Variants in ATF7IP observed in about 807,000 individuals in gnomAD.
ATF7IP encodes the protein activating transcription factor 7-interacting protein 1.
Under a neutral mutation model 106.4 loss-of-function variants are expected in ATF7IP, and 23 were observed. The observed-to-expected ratio is 0.22, with a 90% CI of 0.16 to 0.31. ATF7IP has a LOEUF of 0.31. ATF7IP is among the 10% of genes least tolerant of loss of function. The pLI, the probability that ATF7IP is intolerant of heterozygous loss-of-function variation, is 1.00. For missense variants in ATF7IP, 1,334 were observed against 1,524.3 expected, an observed-to-expected ratio of 0.88 and a Z score of 2.08; for synonymous variants, 542 against 539.0, an observed-to-expected ratio of 1.01 and a Z score of -0.08.
At chr12:14,392,131 T>G (rs1939588754) in intron 1 of ATF7IP, among the ~76,000 whole-genome samples, 1 of 152,254 alleles carries the variant, frequency 6.6e-6, no homozygotes, top group Non-Finnish European at 1.5e-5. Context: ...ATATTGGGGT[T>G]TAAATGAGGA....
At chr12:14,366,843 CTG>C (rs1162961925) in intron 1 of ATF7IP, among the ~76,000 whole-genome samples, 2 of 151,812 alleles carry the variant, frequency 1.3e-5, no homozygotes, top group Non-Finnish European at 2.9e-5. Flanking sequence ...TAAAAAAAAT[CTG>C]TTTTTTTCTT....
chr12:14,379,991 G>C (rs1424967475), intron 1 of ATF7IP, among the ~76,000 whole-genome samples: 1 of 151,368 alleles, frequency 6.6e-6, no homozygotes, highest in Non-Finnish European at 1.5e-5. Context: ...TGATGTATTT[G>C]TGTGTGTGTG....
chr12:14,427,587 A>G (rs1282352564), intron 2 of ATF7IP, among the ~76,000 whole-genome samples: 1 of 152,032 alleles, frequency 6.6e-6, no homozygotes, highest in Non-Finnish European at 1.5e-5. Flanking sequence ...GCTGGTCTCA[A>G]ACTCCTGACC....
At chr12:14,452,731 A>G (rs1173800200) in intron 6 of ATF7IP, among the ~76,000 whole-genome samples, 2 of 152,180 alleles carry the variant, frequency 1.3e-5, no homozygotes, top group African/African-American at 4.8e-5. Context: ...ACCAGAATTA[A>G]AAGTGGTTTA....
At chr12:14,476,825 A>C (rs1166988757) in intron 11 of ATF7IP, among the ~76,000 whole-genome samples, 2 of 152,226 alleles carry the variant, frequency 1.3e-5, no homozygotes, top group African/African-American at 4.8e-5. Flanking sequence ...CAAAATAATA[A>C]TGTTCTGAGT....
At chr12:14,378,000 A>G (rs1938825293) in intron 1 of ATF7IP, among the ~76,000 whole-genome samples, 1 of 152,174 alleles carries the variant, frequency 6.6e-6, no homozygotes, top group South Asian at 2.1e-4. Flanking sequence ...GAGTCATAAA[A>G]AGTAAAAAGA....
intron 1 of ATF7IP, among the ~76,000 whole-genome samples, chr12:14,368,150 A>T (rs1051572221): frequency 6.6e-6 from 1 of 152,112 alleles, no homozygotes; most frequent in African/African-American, 2.4e-5. Flanking sequence ...CATTTGGAAA[A>T]TATTGAAAAT....
rs758587605 is a variant in ATF7IP at position 14,496,211 on chromosome 12, AT to A, written c.3281-13del. 3.4e-6 allele frequency: 5 copies of A among 1,468,250 alleles called. No individual in the cohort carries two copies. Among genetic ancestry groups the A allele is most frequent in the Admixed American group, 1.7e-5 (1 of 58,252 alleles). The allele number at this position is 1,468,250 out of a possible 1,614,324, so 91.0% of individuals were successfully genotyped here. A position where few individuals can be genotyped will look rare whatever the true frequency, so the allele number is the denominator to read the frequency against. ...AATAGAATTATCATTTTATCCTGTAATTTTTTTGTTTGTTTGTAGGTGTTAC... is the reference window on the plus strand; with the variant it reads ...AATAGAATTATCATTTTATCCTGTAATTTTTTGTTTGTTTGTAGGTGTTAC... On this transcript the variant is annotated intron_variant, in intron 13 of 14. Transcript: ENST00000261168.
intron 13 of ATF7IP, among the ~76,000 whole-genome samples, chr12:14,490,815 C>A (rs1010878867): frequency 3.9e-5 from 6 of 152,174 alleles, no homozygotes; most frequent in African/African-American, 1.4e-4. Flanking sequence ...CACATATATA[C>A]CACTTCCATT....
rs1007265338 is a variant in ATF7IP, at chr12:14,425,403, T to A, written c.1488T>A (p.Ser496=). 6.2e-7 allele frequency: 1 copy of A among 1,606,964 alleles called. No individual in the cohort carries two copies. ...CAAAAGAAGCCTTTCTGGTCCTCTCTGATGAAGAGGATATTTCGGGTGAAA... is the reference window on the plus strand; with the variant it reads ...CAAAAGAAGCCTTTCTGGTCCTCTCAGATGAAGAGGATATTTCGGGTGAAA... ...SLPKEAFLVL[S]DEEDISGEKD... Residue 496 remains serine (S), a synonymous_variant, in exon 2 of 15, where the codon TCT becomes TCA. Transcript: ENST00000261168.
At chr12:14,492,105 C>T (rs1944845876) in intron 13 of ATF7IP, among the ~76,000 whole-genome samples, 1 of 152,228 alleles carries the variant, frequency 6.6e-6, no homozygotes, top group Non-Finnish European at 1.5e-5. Flanking sequence ...GTTCTGCCAG[C>T]TGCTAAGTAT....
chr12:14,497,584 G>A (rs1265588429), intron 14 of ATF7IP, 70 bp from the exon 15 acceptor site: 12 of 1,428,010 alleles, frequency 8.4e-6, no homozygotes, highest in Non-Finnish European at 7.6e-6. Flanking sequence ...TCTCTAAGGT[G>A]TTTTAATTCT....
At chr12:14,406,295 C>T (rs922774209) in intron 1 of ATF7IP, among the ~76,000 whole-genome samples, 1 of 151,768 alleles carries the variant, frequency 6.6e-6, no homozygotes, top group South Asian at 2.1e-4. Context: ...GTTGGGGTTT[C>T]GCCATGTTGG....
At chr12:14,451,202 C>T (rs1344412847) in intron 6 of ATF7IP, among the ~76,000 whole-genome samples, 1 of 151,990 alleles carries the variant, frequency 6.6e-6, no homozygotes, top group East Asian at 1.9e-4. Context: ...ATTGTAGTCT[C>T]TTGTAATCCT....
intron 1 of ATF7IP, among the ~76,000 whole-genome samples, chr12:14,419,803 T>G (rs1355144561): frequency 1.3e-5 from 2 of 152,318 alleles, no homozygotes; most frequent in East Asian, 3.9e-4. Context: ...ATATACATTT[T>G]GTATTAAGGT....
chr12:14,477,488 A>C (rs987631683), intron 11 of ATF7IP, among the ~76,000 whole-genome samples: 1 of 152,242 alleles, frequency 6.6e-6, no homozygotes, highest in Non-Finnish European at 1.5e-5. Flanking sequence ...TTGAGAGGAC[A>C]CAGGTAGGCT....
At chr12:14,487,593 A>G (rs1411005496) in intron 13 of ATF7IP, among the ~76,000 whole-genome samples, 7 of 152,038 alleles carry the variant, frequency 4.6e-5, no homozygotes, top group African/African-American at 1.2e-4. Flanking sequence ...GTTCCAATCA[A>G]TACCCTCACT....
chr12:14,398,530 C>T (rs1939990163), intron 1 of ATF7IP, among the ~76,000 whole-genome samples: 1 of 148,638 alleles, frequency 6.7e-6, no homozygotes. Context: ...TACACATGGT[C>T]AATATTGATG....
At chr12:14,406,645 T>C (rs917966969) in intron 1 of ATF7IP, among the ~76,000 whole-genome samples, 1 of 150,428 alleles carries the variant, frequency 6.6e-6, no homozygotes, top group African/African-American at 2.4e-5. Context: ...GACCAGTGTT[T>C]AAAATAACAG....
Sources: allele counts gnomAD v4.1 joint callset (sites outside exome capture counted in the v4.1 genomes callset), GRCh38; gene constraint gnomAD v4.1.1; transcripts MANE v1.5; gene names NCBI Gene and HGNC (gene_info 2026-07-23, HGNC 2026-07-21).